The following SLA2 variants were observed in gnomAD, a reference collection of about 807,000 sequenced individuals.
SLA2 encodes the protein src-like-adapter 2.
In SLA2, 22 loss-of-function variants were observed where a neutral mutation model predicts 27.3. That is an observed-to-expected ratio of 0.81 (90% CI 0.58 to 1.15). The LOEUF (loss-of-function observed/expected upper bound fraction) is 1.15. SLA2 is among the 50% of genes most tolerant of loss of function. The pLI is 0.00. For missense variants in SLA2, 304 were observed against 322.2 expected, an observed-to-expected ratio of 0.94 and a Z score of 0.43; for synonymous variants, 131 against 137.8, an observed-to-expected ratio of 0.95 and a Z score of 0.34.
At chr20:36,617,937 G>A (rs573363949) in intron 5 of SLA2, among the ~76,000 whole-genome samples, 46 of 151,732 alleles carry the variant, frequency 3.0e-4, no homozygotes, top group Admixed American at 2.6e-3. Flanking sequence ...CACGAGGTCA[G>A]GAGATCAAGA....
At chr20:36,617,586 G>A (rs1474584732) in intron 5 of SLA2, among the ~76,000 whole-genome samples, 2 of 150,782 alleles carry the variant, frequency 1.3e-5, no homozygotes, top group African/African-American at 4.9e-5. Context: ...GGCCGGGCGC[G>A]GTGGCTCACG....
At chr20:36,620,068 G>A (rs1348898063) in intron 5 of SLA2, among the ~76,000 whole-genome samples, 1 of 151,560 alleles carries the variant, frequency 6.6e-6, no homozygotes, top group Non-Finnish European at 1.5e-5. Context: ...TCCAGCCTGG[G>A]CGACAGAGCG....
chr20:36,637,863 A>T (rs1185960844), intron 2 of SLA2, among the ~76,000 whole-genome samples: 1 of 140,022 alleles, frequency 7.1e-6, no homozygotes, highest in Non-Finnish European at 1.5e-5. Flanking sequence ...TCTTGACCTC[A>T]GGTCTGCCTG....
At chr20:36,622,925 A>G (rs2039299676) in intron 5 of SLA2, among the ~76,000 whole-genome samples, 1 of 152,182 alleles carries the variant, frequency 6.6e-6, no homozygotes, top group African/African-American at 2.4e-5. Context: ...GGGGGGGATG[A>G]TGATTCTGCC....
chr20:36,644,870 T>G (rs942103281), intron 1 of SLA2, among the ~76,000 whole-genome samples: 18 of 440 alleles, frequency 0.041, no homozygotes, highest in South Asian at 0.1. Context: ...AATATTGTGT[T>G]TTTTTTTTTT....
intron 5 of SLA2, among the ~76,000 whole-genome samples, chr20:36,619,940 AT>A (rs956548060): frequency 6.0e-4 from 91 of 150,562 alleles, no homozygotes; most frequent in Non-Finnish European, 1.1e-3. Context: ...CCAAAAAAAA[AT>A]TTTTTTTTAA....
intron 5 of SLA2, among the ~76,000 whole-genome samples, chr20:36,629,985 G>A (rs150134529): frequency 0.012 from 1,880 of 152,078 alleles, 42 homozygotes; most frequent in African/African-American, 0.043. Context: ...CACTCACAGA[G>A]TTTTCTCTTT....
Position 36,615,238 on chromosome 20 carries a change from C to A in SLA2, c.519G>T (p.Val173=). Residue 173 remains valine (V), a synonymous_variant, in exon 6 of 8, where the codon GTG becomes GTT. Transcript: ENST00000262866. ...GAAAGGCCATACCAGAGTAATGGTCCACCAGGGCCTGGAGTGAGGGGAAGG... is the reference window on the plus strand; with the variant it reads ...GAAAGGCCATACCAGAGTAATGGTCAACCAGGGCCTGGAGTGAGGGGAAGG... ...RLTFPSLQAL[V]DHYSELADDI... 1 of 1,614,132 alleles carries A rather than the reference C, an allele frequency of 6.2e-7. No individual in the cohort carries two copies. The highest frequency in any genetic ancestry group is 8.5e-7 in the Non-Finnish European group (1 of 1,180,032).
At chr20:36,643,273 G>A (rs1297651769) in intron 1 of SLA2, among the ~76,000 whole-genome samples, 1 of 152,184 alleles carries the variant, frequency 6.6e-6, no homozygotes, top group African/African-American at 2.4e-5. Context: ...TAAAGTGTTT[G>A]GGGAGTGGGA....
chr20:36,637,338 G>T (rs1179095921), intron 2 of SLA2, among the ~76,000 whole-genome samples: 1 of 151,592 alleles, frequency 6.6e-6, no homozygotes, highest in African/African-American at 2.4e-5. Context: ...GAGTAGCTGG[G>T]ATTACAGGCA....
chr20:36,632,018 C>T (rs1303030027), intron 5 of SLA2, among the ~76,000 whole-genome samples: 1 of 152,154 alleles, frequency 6.6e-6, no homozygotes, highest in Non-Finnish European at 1.5e-5. Context: ...ACTGACCCCC[C>T]ATCTCCTCTA....
At chr20:36,614,582 C>T in intron 6 of SLA2, 145 bp from the exon 7 acceptor site, 1 of 1,435,630 alleles carries the variant, frequency 7.0e-7, no homozygotes, top group South Asian at 1.5e-5. Context: ...CTATTGGTTT[C>T]ATGGAGACAG....
In SLA2 at chr20:36,614,353, A is replaced by G. The variant is rs764922526; in HGVS notation, c.617T>C (p.Leu206Pro). Residue 206 changes from leucine (L) to proline (P), a missense_variant, in exon 7 of 8, where the codon CTA (leucine) becomes CCA (proline). Physicochemically the swap from Leu to Pro is moderately conservative, Grantham distance 98. Coordinates refer to ENST00000262866, the MANE Select transcript of SLA2 (RefSeq NM_032214.4). ...AGPLPGKDIPLPVTVQRTPLN... is the reference protein window; with the variant it reads ...AGPLPGKDIPPPVTVQRTPLN... ...TGGTGTCCTCTGCACAGTCACAGGT[A>G]GGGGTATATCCTTGCCAGGGAGCGG... The G allele has an allele frequency of 1.2e-6, 2 of 1,614,176 alleles. No homozygotes were observed. Among genetic ancestry groups the G allele is most frequent in the Non-Finnish European group, 8.5e-7 (1 of 1,180,022 alleles).
At chr20:36,639,561 A>T in intron 2 of SLA2, among the ~76,000 whole-genome samples, 1 of 152,090 alleles carries the variant, frequency 6.6e-6, no homozygotes. Context: ...ACATCAAAAT[A>T]CTAGAATTGC....
chr20:36,627,990 A>G (rs1159959684), intron 5 of SLA2, among the ~76,000 whole-genome samples: 2 of 152,228 alleles, frequency 1.3e-5, no homozygotes, highest in African/African-American at 4.8e-5. Flanking sequence ...ATATACGACA[A>G]GAGCATAATG....
intron 5 of SLA2, among the ~76,000 whole-genome samples, chr20:36,618,989 G>T (rs1275921485): frequency 6.7e-6 from 1 of 150,104 alleles, no homozygotes; most frequent in African/African-American, 2.4e-5. Flanking sequence ...ACTTTGGGAG[G>T]TTGAGGTGGG....
intron 5 of SLA2, among the ~76,000 whole-genome samples, chr20:36,627,093 T>C (rs1346140098): frequency 6.6e-6 from 1 of 151,918 alleles, no homozygotes; most frequent in Non-Finnish European, 1.5e-5. Flanking sequence ...GCTTTCCAGA[T>C]GGAGGGAGGG....
intron 2 of SLA2, among the ~76,000 whole-genome samples, chr20:36,640,737 G>A (rs2039498638): frequency 6.6e-6 from 1 of 152,114 alleles, no homozygotes; most frequent in Non-Finnish European, 1.5e-5. Flanking sequence ...GGCTGGTCTT[G>A]AACTCCTGAC....
At chr20:36,614,154 G>T in intron 7 of SLA2, 151 bp downstream of exon 7, 1 of 1,466,354 alleles carries the variant, frequency 6.8e-7, no homozygotes. Context: ...TCGAGCCTGG[G>T]CCGTGCTCCA....
Sources: gnomAD v4.1 joint callset for allele counts (sites outside exome capture counted in the v4.1 genomes callset) on GRCh38, gnomAD v4.1.1 for gene constraint, MANE v1.5 for transcripts, NCBI Gene and HGNC (gene_info 2026-07-23, HGNC 2026-07-21) for gene names.